Variants in BRCA1 observed in about 807,000 individuals in gnomAD.
BRCA1 encodes BRCA1 DNA repair associated, also known as breast cancer type 1 susceptibility protein.
In BRCA1, 140 loss-of-function variants were observed where a neutral mutation model predicts 173.7. The ratio of observed to expected loss-of-function variants is 0.81; its 90% CI spans 0.70 to 0.93. The LOEUF is 0.93. Ranked by LOEUF, BRCA1 falls within the 40% of genes least tolerant of loss-of-function variation. The pLI, the probability that BRCA1 is intolerant of heterozygous loss-of-function variation, is 0.00. For missense variants in BRCA1, 1,983 were observed against 2,172.5 expected (o/e 0.91, Z 1.73); for synonymous variants, 662 against 756.0 (o/e 0.88, Z 2.04).
At chr17:43,050,804 C>T (rs1361584651) in intron 20 of BRCA1, among the ~76,000 whole-genome samples, 2 of 152,138 alleles carry the variant, frequency 1.3e-5, no homozygotes, top group Non-Finnish European at 2.9e-5. Flanking sequence ...AGCAGCTCAA[C>T]GCCATCTGAA....
At chr17:43,096,589 A>G (rs1300746183) in intron 8 of BRCA1, among the ~76,000 whole-genome samples, 1 of 151,502 alleles carries the variant, frequency 6.6e-6, no homozygotes, top group Non-Finnish European at 1.5e-5. Flanking sequence ...AAAAAAAAAA[A>G]ACCTGGGTCA....
At chr17:43,139,702 C>T in intron 1 of BRCA1, 1 of 360,196 alleles carries the variant, frequency 2.8e-6, no homozygotes, top group East Asian at 7.6e-5. Flanking sequence ...ACCCTTCACC[C>T]TCAGGTAGGG....
chr17:43,047,329 G>A (rs916782510), intron 22 of BRCA1, among the ~76,000 whole-genome samples: 1 of 151,812 alleles, frequency 6.6e-6, no homozygotes, highest in African/African-American at 2.4e-5. Context: ...CGAACTTCTA[G>A]GCTCCCACCT....
chr17:43,056,531 G>A (rs370818885), intron 19 of BRCA1, among the ~76,000 whole-genome samples: 33 of 152,126 alleles, frequency 2.2e-4, no homozygotes, highest in African/African-American at 6.3e-4. Context: ...GGTGGCTCAC[G>A]CCTATCCCAG....
At position 43,063,446 on chromosome 17, in the gene BRCA1, A is replaced by T; in HGVS notation, c.5153-73T>A. ...CTCTTTTCACGGAGATAGAGAGGTC[A>T]GCGATTCACAAAAGAGCACAGGAAG... On this transcript the variant is annotated intron_variant, in intron 17 of 22. Transcript: ENST00000357654. The T allele has an allele frequency of 6.4e-6, 8 of 1,258,530 alleles. No individual in the cohort carries two copies. The South Asian group carries it at 9.7e-5, about 15-fold the overall frequency. The allele number at this position is 1,258,530 out of a possible 1,614,324, so 78.0% of individuals were successfully genotyped here. A position where few individuals can be genotyped will look rare whatever the true frequency, so the allele number is the denominator to read the frequency against.
chr17:43,100,674 AT>A (rs2054411643), intron 6 of BRCA1, among the ~76,000 whole-genome samples: 1 of 18,164 alleles, frequency 5.5e-5, no homozygotes, highest in Admixed American at 9.1e-4. Context: ...ATATATATAT[AT>A]ATAATATATA....
At chr17:43,113,189 T>G (rs2055118120) in intron 3 of BRCA1, among the ~76,000 whole-genome samples, 1 of 152,168 alleles carries the variant, frequency 6.6e-6, no homozygotes, top group Admixed American at 6.6e-5. Context: ...CCTTCATTAC[T>G]GTTTATGAGT....
At position 43,094,174 on chromosome 17, in the gene BRCA1, CT is replaced by C. The variant is rs80357939; in HGVS notation, c.1356del (p.Glu453ArgfsTer22). The C allele has an allele frequency of 6.2e-7, 1 of 1,614,064 alleles. No homozygotes were observed. Among genetic ancestry groups the C allele is most frequent in the Non-Finnish European group, 8.5e-7 (1 of 1,180,020 alleles). On this transcript the variant is annotated frameshift_variant, in exon 10 of 23. Coordinates refer to ENST00000357654, the MANE Select transcript of BRCA1 (RefSeq NM_007294.4). LOFTEE classifies it high-confidence loss of function. ...AATATTTTGTCTTCAATATTACTCT[CT>C]ACTGATTTGGAGTGAACTCTTTCAC... ...CKSERVHSKSVESNIEDKIFG... is the reference protein window; with the variant it reads ...CKSERVHSKSXESNIEDKIFG...
chr17:43,115,966 G>A (rs1597912457), intron 2 of BRCA1, among the ~76,000 whole-genome samples, 187 bp from the exon 3 acceptor site: 1 of 152,130 alleles, frequency 6.6e-6, no homozygotes, highest in Non-Finnish European at 1.5e-5. Context: ...CAGAGAATAC[G>A]ATCCTTACCT....
chr17:43,128,840 A>G (rs1355480272), upstream of BRCA1, among the ~76,000 whole-genome samples: 1 of 150,322 alleles, frequency 6.7e-6, no homozygotes, highest in Non-Finnish European at 1.5e-5. Flanking sequence ...TTTCGAGACA[A>G]AGTCTCGCTT....
chr17:43,100,686 T>TAACATATATATATATATATATATATATA lies in BRCA1; in HGVS notation c.442-807_442-806insTATATATATATATATATATATATATGTT, dbSNP rs1567807839. Among the ~76,000 whole-genome samples the TAACATATATATATATATATATATATATA allele has an allele frequency of 4.6e-4, 8 of 17,434 alleles. 1 individual carries two copies. Among genetic ancestry groups the TAACATATATATATATATATATATATATA allele is most frequent in the African/African-American group, 8.7e-4 (8 of 9,150 alleles). The allele number at this position is 17,434 out of a possible 152,430, so 11.4% of individuals were successfully genotyped here. A position where few individuals can be genotyped will look rare whatever the true frequency, so the allele number is the denominator to read the frequency against. ...TATATATATATATATATAATATATATATATATATATATATATGTAATCCCA... is the reference window on the plus strand; with the variant it reads ...TATATATATATATATATAATATATATAACATATATATATATATATATATATATAATATATATATATATATGTAATCCCA... On this transcript the variant is annotated intron_variant, in intron 6 of 22. Coordinates refer to ENST00000357654, the MANE Select transcript of BRCA1 (RefSeq NM_007294.4).
chr17:43,167,942 C>T (rs543073756), intron 1 of BRCA1: 91 of 165,598 alleles, frequency 5.5e-4, no homozygotes, highest in Non-Finnish European at 2.7e-4. Context: ...TCAGGGACCA[C>T]AGGATTTGTG....
chr17:43,094,488 C>T lies in BRCA1; in HGVS notation c.1043G>A (p.Cys348Tyr), dbSNP rs752198747. 6.2e-7 allele frequency: 1 copy of T among 1,614,030 alleles called. No individual in the cohort carries two copies. Among genetic ancestry groups the T allele is most frequent in the Non-Finnish European group, 8.5e-7 (1 of 1,180,034 alleles). Reference protein sequence around the residue: ...KKVDLNADPLCERKEWNKQKL... With the variant: ...KKVDLNADPLYERKEWNKQKL... ...CTGCTTATTCCATTCTTTTCTCTCACACAGGGGATCAGCATTCAGATCTAC... is the reference window on the plus strand; with the variant it reads ...CTGCTTATTCCATTCTTTTCTCTCATACAGGGGATCAGCATTCAGATCTAC... The change falls in exon 10 of 23, where the codon TGT becomes TAT. Residue 348 changes from cysteine to tyrosine, a missense_variant. By Grantham distance (194) the Cys-to-Tyr change is radical. Coordinates refer to ENST00000357654, the MANE Select transcript of BRCA1 (RefSeq NM_007294.4).
chr17:43,138,931 G>A (rs1346077682), intron 1 of BRCA1: 1 of 778,874 alleles, frequency 1.3e-6, no homozygotes, highest in Admixed American at 1.7e-5. Context: ...TGGTAAAGTA[G>A]CCTGAAAGCC....
intron 1 of BRCA1, chr17:43,139,680 C>T: frequency 2.9e-6 from 1 of 349,252 alleles, no homozygotes; most frequent in East Asian, 7.8e-5. Context: ...TTTGGCTCCT[C>T]TCCCTCCTCC....
chr17:43,168,885 C>A (rs1330405176), intron 1 of BRCA1, among the ~76,000 whole-genome samples: 3 of 152,018 alleles, frequency 2.0e-5, no homozygotes, highest in Non-Finnish European at 4.4e-5. Context: ...CTTTTTCTTG[C>A]ATAAAACCAA....
chr17:43,161,013 T>C (rs1597946544), intron 1 of BRCA1: 2 of 152,258 alleles, frequency 1.3e-5, no homozygotes, highest in South Asian at 4.1e-4. Flanking sequence ...CATGCCACAC[T>C]TGCACGGGCA....
At chr17:43,126,144 C>G (rs1359292730), upstream of BRCA1, among the ~76,000 whole-genome samples, 2 of 152,238 alleles carry the variant, frequency 1.3e-5, no homozygotes, top group Non-Finnish European at 2.9e-5. Context: ...GCCGAATTTG[C>G]CTGGGGCAGG....
rs80357078 is a variant in BRCA1 at position 43,049,162 on chromosome 17, C to T, written c.5365G>A (p.Ala1789Thr). The T allele has an allele frequency of 6.2e-7, 1 of 1,614,160 alleles. No individual in the cohort carries two copies. The highest frequency in any genetic ancestry group is 1.1e-5 in the South Asian group (1 of 91,082). Reference protein sequence around the residue: ...QLEWMVQLCGASVVKELSSFT... With the variant: ...QLEWMVQLCGTSVVKELSSFT... ...GATGAAAGCTCCTTCACCACAGAAGCACCACACAGCTGTACCATCCATTCC... is the reference window on the plus strand; with the variant it reads ...GATGAAAGCTCCTTCACCACAGAAGTACCACACAGCTGTACCATCCATTCC... The change falls in exon 21 of 23, where the codon GCT (alanine) becomes ACT (threonine). Residue 1789 changes from alanine to threonine, a missense_variant. By Grantham distance (58) the Ala-to-Thr change is moderately conservative. Coordinates refer to ENST00000357654, the MANE Select transcript of BRCA1 (RefSeq NM_007294.4).
Sources: gnomAD v4.1 joint callset for allele counts (sites outside exome capture counted in the v4.1 genomes callset) on GRCh38, gnomAD v4.1.1 for gene constraint, MANE v1.5 for transcripts, NCBI Gene and HGNC (gene_info 2026-07-23, HGNC 2026-07-21) for gene names.